Variants in COMMD1 observed in about 807,000 individuals in gnomAD.
COMMD1 encodes the protein copper metabolism domain containing 1.
COMMD1 carries 10 observed loss-of-function variants against 17.2 expected under a neutral mutation model. The ratio of observed to expected loss-of-function variants is 0.58; its 90% CI spans 0.36 to 0.99. The LOEUF (loss-of-function observed/expected upper bound fraction) is 0.99. Ranked by LOEUF, COMMD1 falls within the 50% of genes least tolerant of loss-of-function variation. COMMD1 has a pLI of 0.01. For synonymous variants in COMMD1, 97 were observed against 91.6 expected (o/e 1.06, Z -0.34); for missense variants, 270 against 231.8 (o/e 1.17, Z -1.07).
rs1334164146 is a variant in COMMD1 at position 62,026,375 on chromosome 2, A to G, written c.462+25393A>G. On this transcript the variant is annotated intron_variant, in intron 2 of 2. Transcript: ENST00000311832. ...CACATGGCGATAGCAAGAACTAAAG[A>G]AAAGGGTGGGTGGTGCCACACACTT... Among the ~76,000 whole-genome samples the G allele has an allele frequency of 2.6e-5, 4 of 152,106 alleles. No individual in the cohort carries two copies. The South Asian group carries it at 8.3e-4, about 32-fold the overall frequency.
chr2:62,112,136 CTT>C (rs1330740508), intron 2 of COMMD1, among the ~76,000 whole-genome samples: 13 of 152,312 alleles, frequency 8.5e-5, no homozygotes, highest in Admixed American at 3.3e-4. Flanking sequence ...AGTCCTGAGA[CTT>C]TGCCAGTTTC....
chr2:61,964,942 G>T (rs1279144463), intron 1 of COMMD1, among the ~76,000 whole-genome samples: 2 of 151,840 alleles, frequency 1.3e-5, no homozygotes, highest in African/African-American at 4.8e-5. Flanking sequence ...AGACTGAGGC[G>T]GAAGAATCGC....
intron 1 of COMMD1, among the ~76,000 whole-genome samples, chr2:61,929,636 A>G (rs1670413640): frequency 6.6e-6 from 1 of 152,210 alleles, no homozygotes; most frequent in Admixed American, 6.5e-5. Flanking sequence ...GTCATATACA[A>G]CTTAAATTTG....
chr2:61,985,462 T>A (rs1011610424), intron 1 of COMMD1, among the ~76,000 whole-genome samples: 1 of 152,204 alleles, frequency 6.6e-6, no homozygotes, highest in African/African-American at 2.4e-5. Flanking sequence ...TTTGGTTCAT[T>A]TACATTCAAT....
intron 2 of COMMD1, among the ~76,000 whole-genome samples, chr2:62,028,345 G>T (rs564550830): frequency 6.6e-6 from 1 of 152,242 alleles, no homozygotes; most frequent in African/African-American, 2.4e-5. Context: ...CTGGGTAGGG[G>T]TAAGTCTTGA....
At chr2:61,898,738 A>G (rs1417793157) in intron 1 of COMMD1, among the ~76,000 whole-genome samples, 1 of 152,156 alleles carries the variant, frequency 6.6e-6, no homozygotes, top group Non-Finnish European at 1.5e-5. Flanking sequence ...ATTTGGCCAC[A>G]ATAGAAAGGA....
intron 1 of COMMD1, among the ~76,000 whole-genome samples, chr2:61,966,525 C>T (rs1019731579): frequency 6.6e-6 from 1 of 152,110 alleles, no homozygotes; most frequent in Middle Eastern, 3.4e-3. Context: ...AAATGTATTT[C>T]ATTTCACTTC....
intron 2 of COMMD1, among the ~76,000 whole-genome samples, chr2:62,022,448 CTTTT>C (rs747830662): frequency 3.5e-5 from 3 of 84,948 alleles, no homozygotes; most frequent in Non-Finnish European, 7.5e-5. Flanking sequence ...ACCGGCGCTT[CTTTT>C]TTTTTTTTTT....
chr2:61,951,926 A>G (rs1042423582), intron 1 of COMMD1, among the ~76,000 whole-genome samples: 1 of 152,196 alleles, frequency 6.6e-6, no homozygotes, highest in African/African-American at 2.4e-5. Flanking sequence ...CACTCAGCAT[A>G]ATTATTCTTG....
At chr2:62,116,339 CTG>C (rs1264676726) in intron 2 of COMMD1, among the ~76,000 whole-genome samples, 7 of 152,270 alleles carry the variant, frequency 4.6e-5, no homozygotes, top group East Asian at 3.9e-4. Context: ...TAAACAGAGA[CTG>C]TAATTTTACA....
intron 1 of COMMD1, among the ~76,000 whole-genome samples, chr2:61,960,731 A>G (rs1447948393): frequency 6.6e-6 from 1 of 152,140 alleles, no homozygotes. Flanking sequence ...ATTGCTCTGC[A>G]ATTCCTTTCT....
chr2:61,893,355 A>T (rs1669479734), intron 1 of COMMD1, among the ~76,000 whole-genome samples: 1 of 152,020 alleles, frequency 6.6e-6, no homozygotes, highest in Non-Finnish European at 1.5e-5. Flanking sequence ...AATAGTAAAA[A>T]ATAAAAATTT....
upstream of COMMD1, among the ~76,000 whole-genome samples, chr2:61,904,626 A>C (rs1297155612): frequency 2.0e-5 from 3 of 152,246 alleles, no homozygotes; most frequent in African/African-American, 7.2e-5. Context: ...ACCCAAACAC[A>C]CATATTATAT....
At chr2:61,957,342 A>G (rs1671225821) in intron 1 of COMMD1, among the ~76,000 whole-genome samples, 1 of 152,080 alleles carries the variant, frequency 6.6e-6, no homozygotes, top group Non-Finnish European at 1.5e-5. Context: ...TTGGGGTAGC[A>G]CTTCCTGTAC....
At chr2:62,016,686 C>A (rs1669459461) in intron 2 of COMMD1, among the ~76,000 whole-genome samples, 1 of 152,094 alleles carries the variant, frequency 6.6e-6, no homozygotes. Context: ...CCCTCCAGAT[C>A]ATATCCTTTG....
intron 2 of COMMD1, chr2:62,055,600 T>C (rs564789882): frequency 6.3e-5 from 24 of 382,348 alleles, no homozygotes; most frequent in African/African-American, 4.4e-4. Flanking sequence ...AAGAAGAAAA[T>C]GTGAATACAA....
At chr2:62,012,845 A>T (rs1669324518) in intron 2 of COMMD1, among the ~76,000 whole-genome samples, 1 of 152,212 alleles carries the variant, frequency 6.6e-6, no homozygotes, top group Non-Finnish European at 1.5e-5. Context: ...TAAGATGCCC[A>T]GACCCCATCT....
intron 2 of COMMD1, among the ~76,000 whole-genome samples, chr2:62,096,040 A>G (rs554966586): frequency 1.3e-5 from 2 of 151,702 alleles, no homozygotes; most frequent in Admixed American, 1.3e-4. Context: ...GTAAGATTCC[A>G]TATTCAAAAG....
intron 1 of COMMD1, among the ~76,000 whole-genome samples, chr2:61,945,609 A>C (rs1670884158): frequency 6.6e-6 from 1 of 152,238 alleles, no homozygotes. Flanking sequence ...GGGGTTAAGG[A>C]TGCAGCCACG....
Sources: allele counts gnomAD v4.1 joint callset (sites outside exome capture counted in the v4.1 genomes callset), GRCh38; gene constraint gnomAD v4.1.1; transcripts MANE v1.5; gene names NCBI Gene and HGNC (gene_info 2026-07-23, HGNC 2026-07-21).